Variants in MYBPC1 observed in about 807,000 individuals in gnomAD.
The protein encoded by MYBPC1 is myosin-binding protein C, slow-type.
Under a neutral mutation model 147.1 loss-of-function variants are expected in MYBPC1, and 52 were observed. The observed-to-expected ratio is 0.35, with a 90% confidence interval of 0.28 to 0.45. MYBPC1 has a LOEUF of 0.45. Among genes scored for constraint, MYBPC1 ranks in the 20% least tolerant of loss-of-function variants. The probability of loss-of-function intolerance (pLI) is 1.00; values close to 1 mark genes in which losing one functional copy is unlikely to be tolerated. For synonymous variants in MYBPC1, 477 were observed against 475.9 expected (o/e 1.00, Z -0.03); for missense variants, 1,228 against 1,440.3 (o/e 0.85, Z 2.39).
chr12:101,644,944 A>G lies in MYBPC1; in HGVS notation c.965+148A>G, dbSNP rs190246302. ...AGAGTAAACATTTAAGTCACATTTTATTTATTAGGGAAACATGATAGTTCT... is the reference window on the plus strand; with the variant it reads ...AGAGTAAACATTTAAGTCACATTTTGTTTATTAGGGAAACATGATAGTTCT... On this transcript the variant is annotated intron_variant, in intron 12 of 31. Transcript: ENST00000361466. 15 of 832,326 alleles carry G rather than the reference A, an allele frequency of 1.8e-5. No individual in the cohort carries two copies. In the East Asian group the frequency reaches 3.5e-4, roughly 20 times the overall value. The allele number at this position is 832,326 out of a possible 1,614,324, so 51.6% of individuals were successfully genotyped here.
At chr12:101,614,639 T>A in intron 2 of MYBPC1, 108 bp downstream of exon 2, 1 of 1,117,472 alleles carries the variant, frequency 8.9e-7, no homozygotes, top group South Asian at 1.3e-5. Flanking sequence ...TTAACCTAAC[T>A]CCTACTGAGA....
At chr12:101,652,021 A>C (rs59039418) in intron 16 of MYBPC1, among the ~76,000 whole-genome samples, 2,518 of 152,344 alleles carry the variant, frequency 0.017, 58 homozygotes, top group African/African-American at 0.057. Context: ...GTCTCTAACC[A>C]ATAAGTGTCA....
intron 1 of MYBPC1, among the ~76,000 whole-genome samples, chr12:101,604,212 A>G (rs997928502): frequency 2.0e-5 from 3 of 152,170 alleles, no homozygotes; most frequent in Non-Finnish European, 2.9e-5. Context: ...TGTAATAAGG[A>G]CCATATTTTA....
intron 18 of MYBPC1, among the ~76,000 whole-genome samples, chr12:101,658,170 T>C (rs1427932534): frequency 1.4e-5 from 2 of 146,584 alleles, no homozygotes; most frequent in African/African-American, 5.0e-5. Context: ...AACCCAACAA[T>C]GTATGAAAAG....
At chr12:101,695,246 C>T in the MYBPC1 span, among the ~76,000 whole-genome samples, 12 of 152,126 alleles carry the variant, frequency 7.9e-5, no homozygotes, top group Admixed American at 5.2e-4. Context: ...TGGATAATGC[C>T]GAACCCTATA....
At chr12:101,615,011 AT>A (rs1885516912) in intron 2 of MYBPC1, 1 of 209,908 alleles carries the variant, frequency 4.8e-6, no homozygotes. Flanking sequence ...CCTAGCAGCT[AT>A]CCAGAAAGGT....
chr12:101,643,613 G>T (rs1340851322), intron 11 of MYBPC1, among the ~76,000 whole-genome samples: 1 of 152,076 alleles, frequency 6.6e-6, no homozygotes, highest in Admixed American at 6.5e-5. Flanking sequence ...ATGACAACAT[G>T]AAGCATTTCA....
Position 101,661,207 on chromosome 12 carries a change from C to T in MYBPC1, c.1977C>T (p.Asp659=). Residue 659 remains aspartate, a synonymous_variant, in exon 20 of 32, where the codon GAC becomes GAT. Coordinates refer to ENST00000361466, the MANE Select transcript of MYBPC1 (RefSeq NM_002465.4). The part of the protein sequence containing the change: ...VAPTVTEVGD[D]WCIMNWEPPA... ...CGACTGTGACAGAGGTGGGAGATGA[C>T]TGGTGTATCATGAACTGGGAGCCTC... 3 of 1,613,862 alleles carry T rather than the reference C, an allele frequency of 1.9e-6. No individual in the cohort carries two copies. Among genetic ancestry groups the T allele is most frequent in the Admixed American group, 1.7e-5 (1 of 60,018 alleles).
At chr12:101,598,553 C>T (rs200619297) in intron 1 of MYBPC1, among the ~76,000 whole-genome samples, 1 of 152,104 alleles carries the variant, frequency 6.6e-6, no homozygotes, top group Non-Finnish European at 1.5e-5. Flanking sequence ...CAACTGTTAA[C>T]TGGATTCCTT....
At chr12:101,673,254 C>T (rs537781588) in intron 24 of MYBPC1, among the ~76,000 whole-genome samples, 173 bp from the exon 25 acceptor site, 1 of 152,302 alleles carries the variant, frequency 6.6e-6, no homozygotes, top group Admixed American at 6.5e-5. Flanking sequence ...GTGCCTTGCA[C>T]ATAAAATACA....
chr12:101,666,871 A>T, intron 22 of MYBPC1: 6 of 1,182,962 alleles, frequency 5.1e-6, no homozygotes, highest in East Asian at 2.6e-5. Flanking sequence ...ATGACCAAGC[A>T]TGAAGAATAC....
At position 101,663,085 on chromosome 12, in the gene MYBPC1, A is replaced by G. The variant is rs569639506; in HGVS notation, c.2222-341A>G. Among the ~76,000 whole-genome samples, 67 of 152,280 alleles carry G rather than the reference A, an allele frequency of 4.4e-4. 1 individual carries two copies. Among genetic ancestry groups the G allele is most frequent in the African/African-American group, 1.6e-3 (65 of 41,556 alleles). The stretch of plus-strand genomic sequence containing the variant: ...TGAGGTATTTTTTTCAATGGAAAAA[A>G]ATGTAATACAAGTTTGCACTTGGAA... On this transcript the variant is annotated intron_variant, in intron 21 of 31. Transcript: ENST00000361466.
chr12:101,673,640 A>G lies in MYBPC1; in HGVS notation c.2809+18A>G. Reference sequence around the variant, plus strand: ...GATCATTGGTAGGTTTAGATGAAGGAGCCAGAAAGTTCTGTCAAAGCAGTA... The same window carrying G: ...GATCATTGGTAGGTTTAGATGAAGGGGCCAGAAAGTTCTGTCAAAGCAGTA... On this transcript the variant is annotated intron_variant, in intron 25 of 31. Coordinates refer to ENST00000361466, the MANE Select transcript of MYBPC1 (RefSeq NM_002465.4). 6.2e-7 allele frequency: 1 copy of G among 1,613,966 alleles called. No homozygotes were observed. Among genetic ancestry groups the G allele is most frequent in the Non-Finnish European group, 8.5e-7 (1 of 1,179,852 alleles).
chr12:101,693,558 TG>T, the MYBPC1 span, among the ~76,000 whole-genome samples: 2 of 152,108 alleles, frequency 1.3e-5, no homozygotes, highest in Non-Finnish European at 2.9e-5. Flanking sequence ...CTGGCCAACA[TG>T]GCGAAACCCC....
In MYBPC1 at chr12:101,673,580, G is replaced by A. The variant is rs1470701280; in HGVS notation, c.2767G>A (p.Asp923Asn). ...SGKYDLQVKV[D>N]KFVETASIDI... ...GAAATATGATCTGCAAGTCAAAGTG[G>A]ACAAATTCGTGGAGACCGCATCAAT... The change falls in exon 25 of 32, where the codon GAC becomes AAC. Residue 923 changes from aspartate (D) to asparagine (N), a missense_variant. This residue lies in a region of MYBPC1 where 1,077 missense variants were observed against 1,314.2 expected (regional missense o/e 0.82). Coordinates refer to ENST00000361466, the MANE Select transcript of MYBPC1 (RefSeq NM_002465.4). 1 of 1,614,004 alleles carries A rather than the reference G, an allele frequency of 6.2e-7. No individual in the cohort carries two copies. The highest frequency in any genetic ancestry group is 1.3e-5 in the African/African-American group (1 of 74,900).
Position 101,659,809 on chromosome 12 carries a change from A to G in MYBPC1, c.1905A>G (p.Ala635=). The G allele has an allele frequency of 6.2e-7, 1 of 1,614,156 alleles. No individual in the cohort carries two copies. The highest frequency in any genetic ancestry group is 8.5e-7 in the Non-Finnish European group (1 of 1,179,996). The change falls in exon 19 of 32, where the codon GCA becomes GCG. Residue 635 remains alanine, a synonymous_variant. Transcript: ENST00000361466. The part of the protein sequence containing the change: ...NLKNEAGEAH[A]SIKVKVVDFP... ...AAAACGAAGCTGGAGAGGCACATGC[A>G]AGCATCAAGGTTAAAGTTGTGGGTA... is the stretch of plus-strand genomic sequence containing the variant.
At chr12:101,610,518 G>C (rs910643914) in intron 1 of MYBPC1, among the ~76,000 whole-genome samples, 1 of 150,722 alleles carries the variant, frequency 6.6e-6, no homozygotes, top group Non-Finnish European at 1.5e-5. Context: ...GTGTCTTTTC[G>C]TAGGTGTGTC....
intron 12 of MYBPC1, 78 bp from the exon 13 acceptor site, chr12:101,646,685 A>C: frequency 1.3e-6 from 2 of 1,534,972 alleles, no homozygotes; most frequent in Non-Finnish European, 1.8e-6. Context: ...CCAAATTATA[A>C]GCCAAATTTG....
chr12:101,623,945 C>A (rs1465918717), intron 3 of MYBPC1, among the ~76,000 whole-genome samples: 1 of 152,122 alleles, frequency 6.6e-6, no homozygotes, highest in Admixed American at 6.5e-5. Flanking sequence ...AATGTGAATG[C>A]ATGCATATTA....
Sources: allele counts gnomAD v4.1 joint callset (sites outside exome capture counted in the v4.1 genomes callset), GRCh38; gene constraint gnomAD v4.1.1; regional missense constraint gnomAD v4.1.1; transcripts MANE v1.5; gene names NCBI Gene and HGNC (gene_info 2026-07-23, HGNC 2026-07-21).